CREG2: variants seen among roughly 807,000 people sequenced by gnomAD.
CREG2 encodes the protein protein CREG2.
A neutral mutation model predicts 26.2 loss-of-function variants in CREG2; 24 were observed. The ratio of observed to expected loss-of-function variants is 0.92; its 90% CI spans 0.66 to 1.29. The LOEUF is 1.29. Ranked by LOEUF, CREG2 falls within the 50% of genes most tolerant of loss-of-function variation. The pLI, the probability that CREG2 is intolerant of heterozygous loss-of-function variation, is 0.00. For synonymous variants in CREG2, 174 were observed against 169.2 expected (o/e 1.03, Z -0.22); for missense variants, 366 against 398.6 (o/e 0.92, Z 0.70).
In CREG2 at chr2:101,383,533, C is replaced by G. The variant is rs140095979; in HGVS notation, c.611G>C (p.Arg204Thr). ...MLPESEGEFC[R>T]KNIVDPEDPR... ...TGAGTGAGGGCAAACCGTCGTCTAC[C>G]TGCAGAACTCCCCTTCTGATTCTGG... The change falls in exon 2 of 4, where the codon AGA (arginine) becomes ACA (threonine). Residue 204 changes from arginine to threonine, a missense_variant and splice_region_variant. By Grantham distance (71) the Arg-to-Thr change is moderately conservative. Transcript: ENST00000324768. 253 of 1,613,596 alleles carry G rather than the reference C, an allele frequency of 1.6e-4. No homozygotes were observed. Among genetic ancestry groups the G allele is most frequent in the Non-Finnish European group, 2.1e-4 (244 of 1,180,022 alleles).
chr2:101,362,954 G>A (rs775934332), intron 2 of CREG2, among the ~76,000 whole-genome samples: 5 of 152,276 alleles, frequency 3.3e-5, no homozygotes, highest in East Asian at 1.9e-4. Context: ...GGACTGTGAC[G>A]TCTGCCCTCC....
At chr2:101,380,631 A>G (rs535531780) in intron 2 of CREG2, among the ~76,000 whole-genome samples, 2 of 152,304 alleles carry the variant, frequency 1.3e-5, no homozygotes, top group African/African-American at 4.8e-5. Context: ...CCCAGAAGAC[A>G]CCACGTGGGA....
intron 1 of CREG2, 93 bp from the exon 2 acceptor site, chr2:101,383,795 AC>A: frequency 8.4e-7 from 1 of 1,185,630 alleles, no homozygotes; most frequent in Non-Finnish European, 1.2e-6. Flanking sequence ...GAAATACAAC[AC>A]CAGGGATGAG....
chr2:101,355,690 C>T (rs1478189033), intron 2 of CREG2, among the ~76,000 whole-genome samples: 1 of 129,384 alleles, frequency 7.7e-6, no homozygotes, highest in South Asian at 2.8e-4. Flanking sequence ...CCTCGAGGGA[C>T]TTGCGACAGT....
intron 1 of CREG2, among the ~76,000 whole-genome samples, chr2:101,384,153 G>A (rs1684927706): frequency 6.6e-6 from 1 of 152,174 alleles, no homozygotes; most frequent in Non-Finnish European, 1.5e-5. Context: ...GGATGTTTAA[G>A]TCTTTAACGT....
intron 2 of CREG2, chr2:101,382,273 C>G (rs572613654): frequency 6.5e-6 from 1 of 154,970 alleles, no homozygotes; most frequent in African/African-American, 2.4e-5. Flanking sequence ...CAAAAATTAG[C>G]CAGGCGTGGT....
chr2:101,382,743 G>T (rs946027273), intron 2 of CREG2: 3 of 985,302 alleles, frequency 3.0e-6, no homozygotes, highest in African/African-American at 3.5e-5. Context: ...AAGAATAATA[G>T]AATTTCACAG....
chr2:101,350,077 TCTTC>T lies in CREG2; in HGVS notation c.*842_*845del, dbSNP rs1684355053. On this transcript the variant is annotated 3_prime_UTR_variant, in exon 4 of 4. Transcript: ENST00000324768. ...TGGGCCCTCAGTTACTGGCTTCCTT[TCTTC>T]CTTCTGTAACGTGCTGCCTTTACTT... The T allele has an allele frequency of 1.3e-5, 2 of 152,336 alleles. No homozygotes were observed. Among genetic ancestry groups the T allele is most frequent in the African/African-American group, 4.8e-5 (2 of 41,478 alleles). 9.4% of individuals were successfully genotyped at this position (152,336 alleles called of 1,614,324 possible). A position where few individuals can be genotyped will look rare whatever the true frequency, so the allele number is the denominator to read the frequency against.
chr2:101,387,423 G>A lies in CREG2; in HGVS notation c.35C>T (p.Pro12Leu). ...SVRRGRRPAR[P>L]GTRLSWLLCC... ...CAGCAGCCAGGAGAGGCGGGTCCCC[G>A]GCCGCGCCGGCCGCCGGCCGCGGCG... The change falls in exon 1 of 4, where the codon CCG (proline) becomes CTG (leucine). Residue 12 changes from proline (P) to leucine (L), a missense_variant. Pro to Leu is a moderately conservative substitution (Grantham distance 98, BLOSUM62 -3). This residue lies in a region of CREG2 where 177 missense variants were observed against 183.3 expected (regional missense o/e 0.97). Coordinates refer to ENST00000324768, the MANE Select transcript of CREG2 (RefSeq NM_153836.4). This position sits in a 1 kb window ranked among gnomAD's most constrained non-coding sequence, Gnocchi z 4.7. The A allele has an allele frequency of 8.1e-7, 1 of 1,233,938 alleles. No homozygotes were observed. 76.4% of individuals were successfully genotyped at this position (1,233,938 alleles called of 1,614,324 possible).
At position 101,350,924 on chromosome 2, in the gene CREG2, C is replaced by T. The variant is rs1249461344; in HGVS notation, c.872G>A (p.Ter291=). The T allele has an allele frequency of 6.2e-7, 1 of 1,613,988 alleles. No individual in the cohort carries two copies. Among genetic ancestry groups the T allele is most frequent in the East Asian group, 2.2e-5 (1 of 44,902 alleles). The change falls in exon 4 of 4, where the codon TGA becomes TAA. Residue 291 remains the stop codon, a stop_retained_variant. Transcript: ENST00000324768. The part of the protein sequence containing the change: ...EYFKAVPRKA[*] ...ACCAAGGACTTTCTTCTCACTCCAT[C>T]AGGCCTTTCTGGGAACTGCTTTGAA...
Position 101,348,682 on chromosome 2 carries a change from T to G in CREG2, c.*2241A>C, listed in dbSNP as rs549220743. 4 of 151,428 alleles carry G rather than the reference T, an allele frequency of 2.6e-5. No individual in the cohort carries two copies. The highest frequency in any genetic ancestry group is 5.9e-5 in the Non-Finnish European group (4 of 67,812). 9.4% of individuals were successfully genotyped at this position (151,428 alleles called of 1,614,324 possible). A position where few individuals can be genotyped will look rare whatever the true frequency, so the allele number is the denominator to read the frequency against. ...TCACATACTAGTTCCAGAGTTTTTT[T>G]TTAAAAAAAATAGATTATTTGGAAT... On this transcript the variant is annotated 3_prime_UTR_variant, in exon 4 of 4. Coordinates refer to ENST00000324768, the MANE Select transcript of CREG2 (RefSeq NM_153836.4).
Position 101,349,458 on chromosome 2 carries a change from T to A in CREG2, c.*1465A>T, listed in dbSNP as rs1197387842. 1 of 152,680 alleles carries A rather than the reference T, an allele frequency of 6.5e-6. No homozygotes were observed. Among genetic ancestry groups the A allele is most frequent in the Non-Finnish European group, 1.5e-5 (1 of 68,044 alleles). The allele number at this position is 152,680 out of a possible 1,614,324, so 9.5% of individuals were successfully genotyped here. ...ATCATTAATAACACTCTTATTTACT[T>A]GAAAAATGTATATTTCCTACATATA... On this transcript the variant is annotated 3_prime_UTR_variant, in exon 4 of 4. Transcript: ENST00000324768.
chr2:101,382,611 T>C (rs1245971895), intron 2 of CREG2: 2 of 985,324 alleles, frequency 2.0e-6, no homozygotes, highest in East Asian at 1.1e-4. Context: ...CCATGTGGTC[T>C]GTCGTGGCTG....
chr2:101,371,671 G>A (rs1168478962), intron 2 of CREG2, among the ~76,000 whole-genome samples: 1 of 152,236 alleles, frequency 6.6e-6, no homozygotes, highest in Admixed American at 6.5e-5. Flanking sequence ...TTGCTGCTTC[G>A]AGGGTCACAC....
chr2:101,368,178 C>G (rs1422964525), intron 2 of CREG2, among the ~76,000 whole-genome samples: 1 of 151,806 alleles, frequency 6.6e-6, no homozygotes, highest in Non-Finnish European at 1.5e-5. Flanking sequence ...TTCCCAGCTA[C>G]TTGGGAGACT....
intron 1 of CREG2, 107 bp from the exon 2 acceptor site, chr2:101,383,809 G>T: frequency 9.4e-7 from 1 of 1,059,678 alleles, no homozygotes. Context: ...GGGATGAGGG[G>T]GGATCATGGC....
At chr2:101,383,141 C>T (rs1403198786) in intron 2 of CREG2, 8 of 393,434 alleles carry the variant, frequency 2.0e-5, no homozygotes, top group African/African-American at 6.6e-5. Context: ...TGCACGCCTC[C>T]GTGCTGGGGA....
At chr2:101,354,539 C>T (rs1361710340) in intron 3 of CREG2, among the ~76,000 whole-genome samples, 6 of 152,140 alleles carry the variant, frequency 3.9e-5, no homozygotes, top group Admixed American at 6.5e-5. Flanking sequence ...CAGACCAATG[C>T]CTTCTAGCCT....
At chr2:101,383,095 G>T in intron 2 of CREG2, 4 of 678,686 alleles carry the variant, frequency 5.9e-6, no homozygotes, top group Non-Finnish European at 7.3e-6. Flanking sequence ...GGACAGGATA[G>T]AAATAAATTG....
Sources: allele counts gnomAD v4.1 joint callset (sites outside exome capture counted in the v4.1 genomes callset), GRCh38; gene constraint gnomAD v4.1.1; regional missense constraint gnomAD v4.1.1; non-coding constraint Gnocchi (gnomAD v3.1); transcripts MANE v1.5; gene names NCBI Gene and HGNC (gene_info 2026-07-23, HGNC 2026-07-21).